DNAJC6: variants seen among roughly 807,000 people sequenced by gnomAD.
DNAJC6 encodes auxilin.
In DNAJC6, 34 loss-of-function variants were observed where a neutral mutation model predicts 110.0. The ratio of observed to expected loss-of-function variants is 0.31; its 90% CI spans 0.24 to 0.41. DNAJC6 has a LOEUF of 0.41. Among genes scored for constraint, DNAJC6 ranks in the 10% least tolerant of loss-of-function variants. DNAJC6 has a pLI of 1.00. For missense variants in DNAJC6, 1,031 were observed against 1,207.8 expected (o/e 0.85, Z 2.17); for synonymous variants, 406 against 437.2 (o/e 0.93, Z 0.89).
chr1:65,273,545 G>A (rs937196796), intron 1 of DNAJC6, among the ~76,000 whole-genome samples: 5 of 151,008 alleles, frequency 3.3e-5, no homozygotes, highest in African/African-American at 4.9e-5. Context: ...GCAGTGAGCC[G>A]AGATCACACC....
intron 1 of DNAJC6, among the ~76,000 whole-genome samples, chr1:65,356,437 G>A (rs1645544175): frequency 6.6e-6 from 1 of 151,836 alleles, no homozygotes; most frequent in South Asian, 2.1e-4. Flanking sequence ...GGTGGTGCAT[G>A]CCTGTAATCC....
chr1:65,379,299 G>A, intron 4 of DNAJC6, 103 bp from the exon 5 acceptor site: 1 of 1,390,630 alleles, frequency 7.2e-7, no homozygotes, highest in Non-Finnish European at 9.9e-7. Flanking sequence ...TATATTAAGA[G>A]AGGATGTGGT....
intron 1 of DNAJC6, among the ~76,000 whole-genome samples, chr1:65,340,781 C>T (rs1223179711): frequency 6.6e-6 from 1 of 152,170 alleles, no homozygotes; most frequent in Non-Finnish European, 1.5e-5. Flanking sequence ...GGCTGTCTGT[C>T]CTCTGTCACA....
rs1262544942 is a variant in DNAJC6, at chr1:65,310,220, G to A, written c.193+282G>A. 2.3e-5 allele frequency among the ~76,000 whole-genome samples: 3 copies of A among 127,724 alleles called. No homozygotes were observed. The Admixed American group carries it at 2.3e-4, about 10-fold the overall frequency. The allele number at this position is 127,724 out of a possible 152,430, so 83.8% of individuals were successfully genotyped here. A position where few individuals can be genotyped will look rare whatever the true frequency, so the allele number is the denominator to read the frequency against. ...GCAGCTGGGGGCGGGGAGGGGGAGG[G>A]AAGGAGGAGGGGAGGGGTGGAGAAG... On this transcript the variant is annotated intron_variant, in intron 1 of 18. Transcript: ENST00000371069.
chr1:65,327,581 TG>T (rs1201118951), intron 1 of DNAJC6, among the ~76,000 whole-genome samples: 2 of 152,310 alleles, frequency 1.3e-5, no homozygotes, highest in African/African-American at 4.8e-5. Context: ...AAATGATTTA[TG>T]TGTGGGTGTA....
rs1378804868 is a variant in DNAJC6, at chr1:65,388,391, A to G, written c.1169A>G (p.Asp390Gly). ...TTTCACACTGGATTCATACCACTGG[A>G]CACAACAGTTTTAAAGTTCACCAAG... Reference protein sequence around the residue: ...LQFHTGFIPLDTTVLKFTKPE... With the variant: ...LQFHTGFIPLGTTVLKFTKPE... Residue 390 changes from aspartate (D) to glycine (G), a missense_variant, in exon 9 of 19, where the codon GAC becomes GGC. Coordinates refer to ENST00000371069, the MANE Select transcript of DNAJC6 (RefSeq NM_001256864.2). 1 of 1,614,106 alleles carries G rather than the reference A, an allele frequency of 6.2e-7. No individual in the cohort carries two copies. The highest frequency in any genetic ancestry group is 8.5e-7 in the Non-Finnish European group (1 of 1,180,012).
intron 5 of DNAJC6, among the ~76,000 whole-genome samples, chr1:65,380,921 G>GTTTTTTTTTTTTTTTTTTTTTTTTTTT (rs1162044500): frequency 1.0e-5 from 1 of 99,356 alleles, no homozygotes; most frequent in African/African-American, 5.4e-5. Context: ...GTTTTGTTTT[G>GTTTTTTTTTTTTTTTTTTTTTTTTTTT]TTTTTTTTTT....
rs569210496 is a variant in DNAJC6 at position 65,354,662 on chromosome 1, C to T, written c.194-9973C>T. On this transcript the variant is annotated intron_variant, in intron 1 of 18. Coordinates refer to ENST00000371069, the MANE Select transcript of DNAJC6 (RefSeq NM_001256864.2). Reference sequence around the variant, plus strand: ...TAACAACCTGAAAAGTGAGTGTGGACGTACTCATGTGTGCACGTACAGATT... The same window carrying T: ...TAACAACCTGAAAAGTGAGTGTGGATGTACTCATGTGTGCACGTACAGATT... Among the ~76,000 whole-genome samples, 24 of 152,164 alleles carry T rather than the reference C, an allele frequency of 1.6e-4. No homozygotes were observed. The East Asian group carries it at 2.7e-3, about 17-fold the overall frequency.
chr1:65,275,343 T>C (rs1331818513), intron 1 of DNAJC6, among the ~76,000 whole-genome samples: 1 of 152,228 alleles, frequency 6.6e-6, no homozygotes, highest in East Asian at 1.9e-4. Flanking sequence ...ACAATTTTAC[T>C]AGGTGTATAG....
chr1:65,403,432 A>G (rs1646047287), intron 15 of DNAJC6, among the ~76,000 whole-genome samples: 2 of 152,304 alleles, frequency 1.3e-5, no homozygotes, highest in South Asian at 4.1e-4. Flanking sequence ...ATGGTTTTCT[A>G]CCCTTGAGCA....
At chr1:65,286,682 G>A (rs925148536) in intron 1 of DNAJC6, among the ~76,000 whole-genome samples, 1 of 152,234 alleles carries the variant, frequency 6.6e-6, no homozygotes, top group Admixed American at 6.5e-5. Flanking sequence ...GTGAGGTGAT[G>A]AATGTAAATT....
chr1:65,363,748 A>G (rs980945464), intron 1 of DNAJC6, among the ~76,000 whole-genome samples: 2 of 152,174 alleles, frequency 1.3e-5, no homozygotes, highest in Non-Finnish European at 2.9e-5. Flanking sequence ...CAAAACACGC[A>G]CAATAAAGAA....
intron 1 of DNAJC6, among the ~76,000 whole-genome samples, chr1:65,292,545 C>T (rs186413493): frequency 6.6e-5 from 10 of 152,012 alleles, no homozygotes; most frequent in Admixed American, 2.0e-4. Flanking sequence ...ATCCTCCTGC[C>T]TCAGTTTCCT....
rs371583880 is a variant in DNAJC6 at position 65,398,884 on chromosome 1, A to G, written c.2107+3A>G. 2 of 1,613,954 alleles carry G rather than the reference A, an allele frequency of 1.2e-6. No homozygotes were observed. The highest frequency in any genetic ancestry group is 1.3e-5 in the African/African-American group (1 of 75,048). ...TTGGGACTGGCATGCTAAACCAGGT[A>G]AAAGCAGGTTATTTTCTGTACACAT... On this transcript the variant is annotated splice_donor_region_variant and intron_variant, in intron 14 of 18. Coordinates refer to ENST00000371069, the MANE Select transcript of DNAJC6 (RefSeq NM_001256864.2).
At chr1:65,373,639 T>C (rs775910764) in intron 4 of DNAJC6, among the ~76,000 whole-genome samples, 1 of 151,940 alleles carries the variant, frequency 6.6e-6, no homozygotes, top group South Asian at 2.1e-4. Flanking sequence ...TTTTTTTTTT[T>C]TATTGTTGAG....
intron 1 of DNAJC6, among the ~76,000 whole-genome samples, chr1:65,269,850 G>A (rs1255753183): frequency 6.6e-6 from 1 of 152,230 alleles, no homozygotes; most frequent in African/African-American, 2.4e-5. Flanking sequence ...ATTGAGGGGC[G>A]CTGCCATTGG....
intron 4 of DNAJC6, among the ~76,000 whole-genome samples, chr1:65,374,294 G>GTT (rs149993478): frequency 0.24 from 36,261 of 150,862 alleles, 7,480 homozygotes; most frequent in East Asian, 0.6. Context: ...ACATTTTAGG[G>GTT]GTTTTTTTTT....
chr1:65,340,329 T>C (rs1645377624), intron 1 of DNAJC6, among the ~76,000 whole-genome samples: 1 of 152,180 alleles, frequency 6.6e-6, no homozygotes, highest in South Asian at 2.1e-4. Flanking sequence ...AGAACAGCAA[T>C]GGTAGCTGCT....
At chr1:65,343,165 T>C (rs1645405340) in intron 1 of DNAJC6, among the ~76,000 whole-genome samples, 1 of 152,206 alleles carries the variant, frequency 6.6e-6, no homozygotes, top group East Asian at 1.9e-4. Flanking sequence ...TATGTACCAT[T>C]GCCACTGCCT....
Sources: gnomAD v4.1 joint callset for allele counts (sites outside exome capture counted in the v4.1 genomes callset) on GRCh38, gnomAD v4.1.1 for gene constraint, MANE v1.5 for transcripts, NCBI Gene and HGNC (gene_info 2026-07-23, HGNC 2026-07-21) for gene names.